The following WARS2 variants were observed in gnomAD, a reference collection of about 807,000 sequenced individuals.
The protein encoded by WARS2 is tryptophan--tRNA ligase, mitochondrial.
WARS2 carries 28 observed loss-of-function variants against 36.5 expected under a neutral mutation model. That is an observed-to-expected ratio of 0.77 (90% CI 0.57 to 1.05). The LOEUF (loss-of-function observed/expected upper bound fraction) is 1.05, where lower values mean the gene tolerates loss of function less well. Among genes scored for constraint, WARS2 ranks in the 50% least tolerant of loss-of-function variants. WARS2 has a pLI of 0.00. For synonymous variants in WARS2, 174 were observed against 178.4 expected (o/e 0.98, Z 0.20); for missense variants, 435 against 456.8 (o/e 0.95, Z 0.44).
chr1:119,106,622 C>G (rs1359054424), intron 1 of WARS2, among the ~76,000 whole-genome samples: 1 of 152,126 alleles, frequency 6.6e-6, no homozygotes, highest in African/African-American at 2.4e-5. Context: ...AAATTTCCTC[C>G]ATATCTTTTC....
upstream of WARS2, chr1:119,140,672 G>A (rs763811903): frequency 1.2e-6 from 2 of 1,602,318 alleles, no homozygotes; most frequent in Non-Finnish European, 1.7e-6. Context: ...CGTCTTGTTT[G>A]GAATGACGTC....
chr1:119,096,952 C>T (rs1653483773), intron 1 of WARS2, among the ~76,000 whole-genome samples: 1 of 152,138 alleles, frequency 6.6e-6, no homozygotes, highest in Non-Finnish European at 1.5e-5. Flanking sequence ...CCATTGCTTG[C>T]CTCAACTGGT....
intron 4 of WARS2, among the ~76,000 whole-genome samples, chr1:119,038,316 C>T (rs899956003): frequency 3.5e-4 from 53 of 152,290 alleles, no homozygotes; most frequent in African/African-American, 1.3e-3. Context: ...AAAATCCAGG[C>T]TCAACCGGCC....
intron 1 of WARS2, among the ~76,000 whole-genome samples, chr1:119,122,216 T>C (rs1239190755): frequency 1.3e-5 from 2 of 151,800 alleles, no homozygotes; most frequent in Non-Finnish European, 2.9e-5. Context: ...ATCAATCCCA[T>C]CAAAAAGTGG....
At chr1:119,124,955 T>G (rs1235555165) in intron 1 of WARS2, among the ~76,000 whole-genome samples, 3 of 152,224 alleles carry the variant, frequency 2.0e-5, no homozygotes, top group Non-Finnish European at 4.4e-5. Context: ...CTGTGTGCAT[T>G]CTGTTGCTTG....
At chr1:119,106,469 A>G (rs1654250270) in intron 1 of WARS2, among the ~76,000 whole-genome samples, 1 of 152,140 alleles carries the variant, frequency 6.6e-6, no homozygotes, top group Non-Finnish European at 1.5e-5. Context: ...GTGGCTATTC[A>G]TCTCTCCCTT....
intron 1 of WARS2, among the ~76,000 whole-genome samples, chr1:119,102,484 G>A (rs980726894): frequency 2.6e-5 from 4 of 152,094 alleles, no homozygotes; most frequent in Non-Finnish European, 5.9e-5. Context: ...ACCCTTTCCC[G>A]CAGTGCTACT....
chr1:119,075,154 G>GTATATA (rs774946774), intron 2 of WARS2, among the ~76,000 whole-genome samples: 4 of 151,116 alleles, frequency 2.6e-5, no homozygotes, highest in South Asian at 2.1e-4. Context: ...AAAAATTAGT[G>GTATATA]TATATATATA....
In WARS2 at chr1:119,054,375, C is replaced by CAT. The variant is rs140724400; in HGVS notation, c.349-8715_349-8714dup. Reference sequence around the variant, plus strand: ...ACCTTATATCCACTAGGATGGCTGCCATATATATATATATCTCCCAGAAAA... The same window carrying CAT: ...ACCTTATATCCACTAGGATGGCTGCCATATATATATATATATCTCCCAGAAAA... On this transcript the variant is annotated intron_variant, in intron 2 of 5. Transcript: ENST00000235521. Among the ~76,000 whole-genome samples, 72 of 150,174 alleles carry CAT rather than the reference C, an allele frequency of 4.8e-4. No individual in the cohort carries two copies. The East Asian group carries it at 6.2e-3, about 13-fold the overall frequency.
At position 119,032,905 on chromosome 1, in the gene WARS2, A is replaced by C. The variant is rs1347853547; in HGVS notation, c.*6T>G. The C allele has an allele frequency of 6.2e-7, 1 of 1,604,890 alleles. No individual in the cohort carries two copies. Among genetic ancestry groups the C allele is most frequent in the Non-Finnish European group, 8.5e-7 (1 of 1,173,944 alleles). ...CAAAAGCCTTGCTGTGATTCGTTGA[A>C]ACTTCCTATAGAAAACCCACCAATT... On this transcript the variant is annotated 3_prime_UTR_variant, in exon 6 of 6. Transcript: ENST00000235521.
At chr1:119,066,725 A>G (rs539477333) in intron 2 of WARS2, among the ~76,000 whole-genome samples, 1 of 152,308 alleles carries the variant, frequency 6.6e-6, no homozygotes, top group African/African-American at 2.4e-5. Flanking sequence ...TTCATGCATT[A>G]CAGTGCCAAA....
chr1:119,101,465 T>C (rs924637375), intron 1 of WARS2, among the ~76,000 whole-genome samples: 10 of 152,286 alleles, frequency 6.6e-5, no homozygotes, highest in African/African-American at 2.4e-4. Flanking sequence ...AATAAATGAG[T>C]AAATGAGATA....
intron 2 of WARS2, among the ~76,000 whole-genome samples, chr1:119,067,081 G>A (rs1353724626): frequency 6.6e-6 from 1 of 152,062 alleles, no homozygotes; most frequent in Non-Finnish European, 1.5e-5. Context: ...TAGTTTGACT[G>A]TATTTAGCAG....
intron 2 of WARS2, among the ~76,000 whole-genome samples, chr1:119,065,023 C>CTA (rs547859661): frequency 1.0e-3 from 154 of 152,080 alleles, no homozygotes; most frequent in Non-Finnish European, 1.9e-3. Flanking sequence ...GAAAGCATTG[C>CTA]TATATTCTTT....
intron 1 of WARS2, among the ~76,000 whole-genome samples, chr1:119,104,822 T>C (rs988231225): frequency 6.7e-6 from 1 of 149,574 alleles, no homozygotes; most frequent in Admixed American, 6.6e-5. Context: ...TGGTGTGCAG[T>C]GATCAAGTGA....
At chr1:119,083,065 C>G (rs929321053) in intron 1 of WARS2, among the ~76,000 whole-genome samples, 1 of 152,070 alleles carries the variant, frequency 6.6e-6, no homozygotes, top group Non-Finnish European at 1.5e-5. Context: ...CCCGTCTCTA[C>G]TAAAAATACA....
At chr1:119,111,036 A>G (rs1654595165) in intron 1 of WARS2, among the ~76,000 whole-genome samples, 1 of 152,066 alleles carries the variant, frequency 6.6e-6, no homozygotes, top group African/African-American at 2.4e-5. Context: ...CTGTTCTTTC[A>G]TGTTGTCTAC....
At chr1:119,138,086 C>T (rs1347411419) in intron 1 of WARS2, among the ~76,000 whole-genome samples, 7 of 152,080 alleles carry the variant, frequency 4.6e-5, no homozygotes, top group African/African-American at 9.7e-5. Flanking sequence ...TTGATGGAAC[C>T]ATTCATATGA....
chr1:119,089,659 C>T (rs1652906573), intron 1 of WARS2, among the ~76,000 whole-genome samples: 1 of 151,914 alleles, frequency 6.6e-6, no homozygotes. Flanking sequence ...TTATTTTGAC[C>T]CAACCATTCA....
Sources: gnomAD v4.1 joint callset for allele counts (sites outside exome capture counted in the v4.1 genomes callset) on GRCh38, gnomAD v4.1.1 for gene constraint, MANE v1.5 for transcripts, NCBI Gene and HGNC (gene_info 2026-07-23, HGNC 2026-07-21) for gene names.